Variants in CDH12 observed in about 807,000 individuals in gnomAD.
CDH12 encodes cadherin-12.
Under a neutral mutation model 74.1 loss-of-function variants are expected in CDH12, and 41 were observed. That is an observed-to-expected ratio of 0.55 (90% confidence interval 0.43 to 0.72). CDH12 has a LOEUF of 0.72. CDH12 is among the 30% of genes least tolerant of loss of function. The pLI is 0.00. For synonymous variants in CDH12, 399 were observed against 355.0 expected (o/e 1.12, Z -1.39); for missense variants, 945 against 977.2 (o/e 0.97, Z 0.44).
chr5:22,600,294 G>C (rs1442408207), intron 1 of CDH12, among the ~76,000 whole-genome samples: 3 of 152,094 alleles, frequency 2.0e-5, no homozygotes, highest in African/African-American at 4.8e-5. Context: ...ACATATCCCT[G>C]AATACTATTG....
At chr5:21,799,565 T>C (rs996634853) in intron 10 of CDH12, among the ~76,000 whole-genome samples, 6 of 152,156 alleles carry the variant, frequency 3.9e-5, no homozygotes, top group African/African-American at 1.4e-4. Context: ...GAGATTATAA[T>C]AGCAGAAACA....
chr5:22,831,689 G>C (rs1039208643), intron 1 of CDH12, among the ~76,000 whole-genome samples: 1 of 152,022 alleles, frequency 6.6e-6, no homozygotes, highest in East Asian at 1.9e-4. Context: ...GAGGTCAGGA[G>C]TTCAAGACCA....
intron 5 of CDH12, among the ~76,000 whole-genome samples, chr5:22,038,048 C>T (rs1309606903): frequency 6.6e-6 from 1 of 152,300 alleles, no homozygotes; most frequent in Non-Finnish European, 1.5e-5. Context: ...GCTGAGGAAG[C>T]TTCTGGAGTC....
At chr5:22,199,965 A>G (rs909191785) in intron 4 of CDH12, among the ~76,000 whole-genome samples, 3 of 152,198 alleles carry the variant, frequency 2.0e-5, no homozygotes, top group African/African-American at 7.2e-5. Flanking sequence ...CAGATGACCC[A>G]AACTGTGTTT....
intron 7 of CDH12, among the ~76,000 whole-genome samples, chr5:21,846,492 T>C (rs1750178002): frequency 1.3e-5 from 2 of 152,172 alleles, no homozygotes; most frequent in Admixed American, 1.3e-4. Context: ...CTGTTCTTAA[T>C]ACAGCTATGT....
At chr5:22,198,867 G>A (rs1426121142) in intron 4 of CDH12, among the ~76,000 whole-genome samples, 24 of 138,372 alleles carry the variant, frequency 1.7e-4, no homozygotes, top group Admixed American at 3.0e-4. Context: ...TAACAAACCC[G>A]ACATTTTTTA....
chr5:22,162,871 G>A lies in CDH12; in HGVS notation c.-187+49627C>T, dbSNP rs1230035071. Among the ~76,000 whole-genome samples, 5 of 143,366 alleles carry A rather than the reference G, an allele frequency of 3.5e-5. No homozygotes were observed. The East Asian group carries it at 1.0e-3, about 30-fold the overall frequency. The allele number at this position is 143,366 out of a possible 152,430, so 94.1% of individuals were successfully genotyped here. A position where few individuals can be genotyped will look rare whatever the true frequency, so the allele number is the denominator to read the frequency against. On this transcript the variant is annotated intron_variant, in intron 4 of 14. Coordinates refer to ENST00000382254, the MANE Select transcript of CDH12 (RefSeq NM_004061.5). ...TATTCCTCTGCAGTCTCTTTTGTTG[G>A]TTCTTTCTCTTCCCTCTGACTTTTT...
intron 1 of CDH12, among the ~76,000 whole-genome samples, chr5:22,773,403 G>GA (rs1326636281): frequency 2.0e-5 from 3 of 151,932 alleles, no homozygotes; most frequent in Non-Finnish European, 4.4e-5. Context: ...AGTAAAGTGG[G>GA]AAAAAACTCT....
intron 9 of CDH12, among the ~76,000 whole-genome samples, chr5:21,805,338 C>T (rs951110403): frequency 6.6e-6 from 1 of 152,082 alleles, no homozygotes; most frequent in African/African-American, 2.4e-5. Context: ...AACTCCTTTT[C>T]AAGCCAGACA....
intron 3 of CDH12, among the ~76,000 whole-genome samples, chr5:22,320,832 T>C (rs1738844347): frequency 6.6e-6 from 1 of 152,196 alleles, no homozygotes; most frequent in Admixed American, 6.6e-5. Flanking sequence ...CACTGTGAGC[T>C]CCAGGCTAGT....
intron 1 of CDH12, among the ~76,000 whole-genome samples, chr5:22,722,925 T>C (rs370065871): frequency 2.6e-5 from 4 of 152,182 alleles, no homozygotes; most frequent in East Asian, 1.9e-4. Flanking sequence ...TGTTGCATCA[T>C]TGAGGCACAG....
chr5:21,787,953 G>A (rs917549866), intron 10 of CDH12, among the ~76,000 whole-genome samples: 12 of 152,090 alleles, frequency 7.9e-5, no homozygotes, highest in African/African-American at 2.2e-4. Context: ...TAAGAAAATT[G>A]CCACTGAAAC....
intron 3 of CDH12, among the ~76,000 whole-genome samples, chr5:22,235,679 CT>C: frequency 6.6e-6 from 1 of 152,194 alleles, no homozygotes; most frequent in East Asian, 1.9e-4. Context: ...TATTATCTTT[CT>C]TATTTTAGAA....
intron 1 of CDH12, among the ~76,000 whole-genome samples, chr5:22,526,335 T>C (rs1413519563): frequency 2.0e-5 from 3 of 152,214 alleles, no homozygotes; most frequent in Non-Finnish European, 4.4e-5. Flanking sequence ...ACCAGTTTGA[T>C]ATCTTGCAGA....
At chr5:22,684,839 A>C (rs1174532070) in intron 1 of CDH12, among the ~76,000 whole-genome samples, 1 of 152,178 alleles carries the variant, frequency 6.6e-6, no homozygotes, top group African/African-American at 2.4e-5. Context: ...TTCAATCAGA[A>C]TCAGTACAAA....
chr5:22,212,785 C>T (rs576553181), intron 3 of CDH12, 142 bp from the exon 4 acceptor site: 1 of 257,402 alleles, frequency 3.9e-6, no homozygotes, highest in East Asian at 1.8e-4. Flanking sequence ...GTCCCTGGAG[C>T]CAGGCGTTAA....
At chr5:22,820,907 C>A (rs1470783365) in intron 1 of CDH12, among the ~76,000 whole-genome samples, 1 of 152,082 alleles carries the variant, frequency 6.6e-6, no homozygotes, top group Non-Finnish European at 1.5e-5. Flanking sequence ...ATCCTGATAC[C>A]AAAGCCTGGC....
intron 1 of CDH12, among the ~76,000 whole-genome samples, chr5:22,812,462 T>G (rs1020869449): frequency 2.6e-5 from 4 of 152,280 alleles, no homozygotes; most frequent in Middle Eastern, 3.4e-3. Context: ...CTAGTTGGGA[T>G]AGCAGAGCAT....
chr5:22,635,436 T>C (rs183641765), intron 1 of CDH12, among the ~76,000 whole-genome samples: 98 of 152,304 alleles, frequency 6.4e-4, no homozygotes, highest in African/African-American at 2.3e-3. Flanking sequence ...AATTAGGCAA[T>C]GGTTTCTTAG....
Sources: gnomAD v4.1 joint callset for allele counts (sites outside exome capture counted in the v4.1 genomes callset) on GRCh38, gnomAD v4.1.1 for gene constraint, MANE v1.5 for transcripts, NCBI Gene and HGNC (gene_info 2026-07-23, HGNC 2026-07-21) for gene names.